Variants in DPPA5 observed in about 807,000 individuals in gnomAD.
DPPA5 encodes developmental pluripotency associated 5.
A neutral mutation model predicts 11.3 loss-of-function variants in DPPA5; 11 were observed. The observed-to-expected ratio is 0.97, with a 90% CI of 0.61 to 1.61. The LOEUF is 1.61. Among genes scored for constraint, DPPA5 ranks in the 40% most tolerant of loss-of-function variants. The pLI, the probability that DPPA5 is intolerant of heterozygous loss-of-function variation, is 0.00. For synonymous variants in DPPA5, 53 were observed against 59.2 expected (o/e 0.90, Z 0.48); for missense variants, 132 against 151.8 (o/e 0.87, Z 0.68).
At chr6:73,353,641 C>CT (rs893115383) in intron 2 of DPPA5, among the ~76,000 whole-genome samples, 15 of 152,318 alleles carry the variant, frequency 9.8e-5, no homozygotes, top group East Asian at 9.7e-4. Context: ...TCACCATAGT[C>CT]TCACCCCTGG....
intron 2 of DPPA5, among the ~76,000 whole-genome samples, 195 bp from the exon 3 acceptor site, chr6:73,353,573 G>C (rs1462293220): frequency 6.6e-6 from 1 of 152,116 alleles, no homozygotes; most frequent in Non-Finnish European, 1.5e-5. Context: ...AAGGGGGCGG[G>C]GAGACGGTTG....
chr6:73,353,930 C>G lies in DPPA5; in HGVS notation c.215G>C (p.Gly72Ala), dbSNP rs1486404354. The change falls in exon 2 of 3, where the codon GGC (glycine) becomes GCC (alanine). Residue 72 changes from glycine to alanine, a missense_variant. Transcript: ENST00000370370. ...GGTCCGGAGCTTGTACAAATAGGAG[C>G]CGTAAACCACGACCTCGGTGAGGTC... ...SSDLTEVVVY[G>A]SYLYKLRTKW... The G allele has an allele frequency of 1.9e-6, 3 of 1,614,162 alleles. No individual in the cohort carries two copies. The highest frequency in any genetic ancestry group is 2.5e-6 in the Non-Finnish European group (3 of 1,180,028).
chr6:73,354,014 A>T lies in DPPA5; in HGVS notation c.131T>A (p.Ile44Asn). The T allele has an allele frequency of 6.2e-7, 1 of 1,613,944 alleles. No individual in the cohort carries two copies. The highest frequency in any genetic ancestry group is 8.5e-7 in the Non-Finnish European group (1 of 1,179,882). The change falls in exon 2 of 3, where the codon ATC becomes AAC. Residue 44 changes from isoleucine to asparagine, a missense_variant. Ile to Asn is a moderately radical substitution (Grantham distance 149, BLOSUM62 -3). Transcript: ENST00000370370. ...KAIFGPDGSR[I>N]PYIEQVSKAM... ...CTTGCTCACCTGCTCGATGTAAGGG[A>T]TTCGAGATCCGTCCGGGCCTGTTGG... is the stretch of plus-strand genomic sequence containing the variant.
intron 2 of DPPA5, among the ~76,000 whole-genome samples, chr6:73,353,625 C>T (rs1314894554): frequency 6.6e-6 from 1 of 152,152 alleles, no homozygotes; most frequent in Non-Finnish European, 1.5e-5. Context: ...CAGCACCAGC[C>T]GCCTTTCACC....
rs778077840 is a variant in DPPA5, at chr6:73,353,846, C to T, written c.292+7G>A. 6 of 1,612,852 alleles carry T rather than the reference C, an allele frequency of 3.7e-6. No homozygotes were observed. The South Asian group carries it at 6.6e-5, about 18-fold the overall frequency. Reference sequence around the variant, plus strand: ...TGTTCCGCGTACCCAGTCTCTGGGCCTCTCACCTCGCTCCTGGCGCTGGCG... The same window carrying T: ...TGTTCCGCGTACCCAGTCTCTGGGCTTCTCACCTCGCTCCTGGCGCTGGCG... On this transcript the variant is annotated splice_region_variant and intron_variant, in intron 2 of 2. Transcript: ENST00000370370.
Position 73,353,130 on chromosome 6 carries a change from AATC to A in DPPA5, c.*187_*189del. 1.7e-6 allele frequency: 1 copy of A among 601,502 alleles called. No homozygotes were observed. Among genetic ancestry groups the A allele is most frequent in the Middle Eastern group, 3.3e-4 (1 of 3,040 alleles). The allele number at this position is 601,502 out of a possible 1,614,324, so 37.3% of individuals were successfully genotyped here. On this transcript the variant is annotated 3_prime_UTR_variant, in exon 3 of 3. Transcript: ENST00000370370. ...AAAAGAAAAAACACTTTTTATTAAC[AATC>A]ATCAAAGAAATATTCACAACAAGAC... is the stretch of plus-strand genomic sequence containing the variant.
Position 73,353,196 on chromosome 6 carries a change from C to T in DPPA5, c.*124G>A. On this transcript the variant is annotated 3_prime_UTR_variant, in exon 3 of 3. Coordinates refer to ENST00000370370, the MANE Select transcript of DPPA5 (RefSeq NM_001025290.3). ...GTTTTCCCTTAACTCTTTAAGGGAA[C>T]AAATGGTTTTCCCTTAACTCTTTAG... The T allele has an allele frequency of 8.6e-6, 10 of 1,165,110 alleles. 1 individual carries two copies. In the South Asian group the frequency reaches 1.3e-4, roughly 16 times the overall value. 72.2% of individuals were successfully genotyped at this position (1,165,110 alleles called of 1,614,324 possible).
At chr6:73,353,781 A>T in intron 2 of DPPA5, 72 bp downstream of exon 2, 1 of 1,526,808 alleles carries the variant, frequency 6.5e-7, no homozygotes, top group Non-Finnish European at 8.8e-7. Context: ...GAAAGAGGAG[A>T]GGGCTGGAGG....
Position 73,353,898 on chromosome 6 carries a change from T to G in DPPA5, c.247A>C (p.Met83Leu). The G allele has an allele frequency of 6.2e-7, 1 of 1,613,992 alleles. No individual in the cohort carries two copies. The highest frequency in any genetic ancestry group is 8.5e-7 in the Non-Finnish European group (1 of 1,179,968). ...SYLYKLRTKW[M>L]LQSMAEWHRQ... ...TGCCACTCAGCCATGGACTGGAGCA[T>G]CCACTTGGTCCGGAGCTTGTACAAA... Residue 83 changes from methionine to leucine, a missense_variant, in exon 2 of 3, where the codon ATG (methionine) becomes CTG (leucine). Coordinates refer to ENST00000370370, the MANE Select transcript of DPPA5 (RefSeq NM_001025290.3).
At chr6:73,353,795 G>C (rs1452852342) in intron 2 of DPPA5, 58 bp downstream of exon 2, 67 of 1,570,426 alleles carry the variant, frequency 4.3e-5, no homozygotes, top group Non-Finnish European at 8.6e-7. Flanking sequence ...CTGGAGGAGA[G>C]GCGCGAAGCG....
At position 73,353,847 on chromosome 6, in the gene DPPA5, T is replaced by C; in HGVS notation, c.292+6A>G. On this transcript the variant is annotated splice_donor_region_variant and intron_variant, in intron 2 of 2. Coordinates refer to ENST00000370370, the MANE Select transcript of DPPA5 (RefSeq NM_001025290.3). ...GTTCCGCGTACCCAGTCTCTGGGCC[T>C]CTCACCTCGCTCCTGGCGCTGGCGG... The C allele has an allele frequency of 6.2e-7, 1 of 1,612,916 alleles. No individual in the cohort carries two copies. The highest frequency in any genetic ancestry group is 8.5e-7 in the Non-Finnish European group (1 of 1,179,762).
rs1768715624 is a variant in DPPA5 at position 73,353,266 on chromosome 6, T to C, written c.*54A>G. 8 of 1,606,806 alleles carry C rather than the reference T, an allele frequency of 5.0e-6. No individual in the cohort carries two copies. In the East Asian group the frequency reaches 1.8e-4, roughly 36 times the overall value. ...CAAGCTTAAGGAATCACTCTAGCTC[T>C]GGCCACAACCTAATCTCTGCAACCC... On this transcript the variant is annotated 3_prime_UTR_variant, in exon 3 of 3. Coordinates refer to ENST00000370370, the MANE Select transcript of DPPA5 (RefSeq NM_001025290.3).
rs1484821672 is a variant in DPPA5 at position 73,353,799 on chromosome 6, C to A, written c.292+54G>T. ...AGAGGAGAGGGCTGGAGGAGAGGCG[C>A]GAAGCGGCCCCCGCGAGCCTGTGTT... On this transcript the variant is annotated intron_variant, in intron 2 of 2. Coordinates refer to ENST00000370370, the MANE Select transcript of DPPA5 (RefSeq NM_001025290.3). 20 of 1,581,414 alleles carry A rather than the reference C, an allele frequency of 1.3e-5. No homozygotes were observed. In the Admixed American group the frequency reaches 2.2e-4, roughly 17 times the overall value.
In DPPA5 at chr6:73,354,217, A is replaced by G; in HGVS notation, c.9T>C (p.Thr3=). ...GCGGGATATGTCTACGTGCCGGGAG[A>G]GTTCCCATCTTATGACCCTCACAAC... MG[T]LPARRHIPPW... The change falls in exon 1 of 3, where the codon ACT becomes ACC. Residue 3 remains threonine (T), a synonymous_variant. Coordinates refer to ENST00000370370, the MANE Select transcript of DPPA5 (RefSeq NM_001025290.3). 2 of 1,614,046 alleles carry G rather than the reference A, an allele frequency of 1.2e-6. No individual in the cohort carries two copies. Among genetic ancestry groups the G allele is most frequent in the Non-Finnish European group, 1.7e-6 (2 of 1,179,986 alleles).
At chr6:73,353,823 T>G (rs1407869321) in intron 2 of DPPA5, 30 bp downstream of exon 2, 41 of 1,609,118 alleles carry the variant, frequency 2.5e-5, no homozygotes, top group Non-Finnish European at 3.3e-5. Flanking sequence ...CGAGCCTGTG[T>G]TCCGCGTACC....
Position 73,353,979 on chromosome 6 carries a change from C to A in DPPA5, c.166G>T (p.Glu56Ter), listed in dbSNP as rs748115453. The part of the protein sequence containing the change: ...YIEQVSKAML[E>*]LKALESSDLT... ...TCTGAAGACTCCAGAGCCTTCAGCT[C>A]GAGCATGGCCTTGCTCACCTGCTCG... is the stretch of plus-strand genomic sequence containing the variant. The change falls in exon 2 of 3, where the codon GAG becomes TAG. Residue 56 changes from glutamate to a stop codon, truncating the protein, a stop_gained. Coordinates refer to ENST00000370370, the MANE Select transcript of DPPA5 (RefSeq NM_001025290.3). LOFTEE classifies it high-confidence loss of function. The A allele has an allele frequency of 3.1e-6, 5 of 1,614,094 alleles. No individual in the cohort carries two copies. The highest frequency in any genetic ancestry group is 4.2e-6 in the Non-Finnish European group (5 of 1,180,022).
At position 73,354,263 on chromosome 6, in the gene DPPA5, A is replaced by C. The variant is rs1382696875; in HGVS notation, c.-38T>G. On this transcript the variant is annotated 5_prime_UTR_variant, in exon 1 of 3. Transcript: ENST00000370370. ...ACAACCAAGACCACTCTCCAGCGCA[A>C]ACCAGGCCTAATCACGCCGGCCGAG... 6.2e-7 allele frequency: 1 copy of C among 1,605,502 alleles called. No homozygotes were observed. The highest frequency in any genetic ancestry group is 1.3e-5 in the African/African-American group (1 of 74,712).
chr6:73,353,750 C>T, intron 2 of DPPA5, 103 bp downstream of exon 2: 3 of 1,426,304 alleles, frequency 2.1e-6, no homozygotes, highest in South Asian at 1.4e-5. Flanking sequence ...GCCCAAGGTG[C>T]TGGCAGCGAG....
chr6:73,353,507 C>A, intron 2 of DPPA5, 129 bp from the exon 3 acceptor site: 1 of 1,101,494 alleles, frequency 9.1e-7, no homozygotes, highest in East Asian at 2.4e-5. Context: ...AGAGTCAGGC[C>A]CAGAACCTTG....
Sources: allele counts gnomAD v4.1 joint callset (sites outside exome capture counted in the v4.1 genomes callset), GRCh38; gene constraint gnomAD v4.1.1; transcripts MANE v1.5; gene names NCBI Gene and HGNC (gene_info 2026-07-23, HGNC 2026-07-21).